The following ANKLE2 variants were observed in gnomAD, a reference collection of about 807,000 sequenced individuals.
ANKLE2 encodes the protein ankyrin repeat and LEM domain containing 2, also known as ankyrin repeat and LEM domain-containing protein 2.
ANKLE2 carries 55 observed loss-of-function variants against 84.2 expected under a neutral mutation model. That is an observed-to-expected ratio of 0.65 (90% CI 0.53 to 0.82). The LOEUF is 0.82. Among genes scored for constraint, ANKLE2 ranks in the 40% least tolerant of loss-of-function variants. The pLI, the probability that ANKLE2 is intolerant of heterozygous loss-of-function variation, is 0.00. For missense variants in ANKLE2, 1,238 were observed against 1,201.9 expected (o/e 1.03, Z -0.44); for synonymous variants, 551 against 486.1 (o/e 1.13, Z -1.76).
intron 2 of ANKLE2, chr12:132,751,061 ATATAT>A: frequency 1.8e-6 from 1 of 550,218 alleles, no homozygotes; most frequent in Non-Finnish European, 3.2e-6. Flanking sequence ...GTAACATGAT[ATATAT>A]TATGTTCATA....
In ANKLE2 at chr12:132,726,904, C is replaced by T. The variant is rs76901039; in HGVS notation, c.*338G>A. 353 of 268,858 alleles carry T rather than the reference C, an allele frequency of 1.3e-3. 2 individuals are homozygous for T. The highest frequency in any genetic ancestry group is 7.3e-3 in the African/African-American group (335 of 45,628). 16.7% of individuals were successfully genotyped at this position (268,858 alleles called of 1,614,324 possible). ...CAGCGTCTGTCGGATGAGGTGAGTA[C>T]AGGGTAAGTACAGGGCTGCCTGCCT... On this transcript the variant is annotated 3_prime_UTR_variant, in exon 13 of 13. Transcript: ENST00000357997.
At position 132,754,826 on chromosome 12, in the gene ANKLE2, C is replaced by T. The variant is rs779726519; in HGVS notation, c.489G>A (p.Leu163=). The T allele has an allele frequency of 1.2e-6, 2 of 1,614,162 alleles. No homozygotes were observed. ...EDRDFGYSVG[L]NPPEEEAVTS... The stretch of plus-strand genomic sequence containing the variant: ...TCACAGCTTCCTCCTCTGGAGGATT[C>T]AGGCCCACACTGTAACCAAAATCTC... The change falls in exon 2 of 13, where the codon CTG becomes CTA. Residue 163 remains leucine, a synonymous_variant. Transcript: ENST00000357997.
Position 132,734,498 on chromosome 12 carries a change from T to C in ANKLE2, c.1778A>G (p.Gln593Arg), listed in dbSNP as rs377362050. The C allele has an allele frequency of 6.2e-7, 1 of 1,614,112 alleles. No homozygotes were observed. Among genetic ancestry groups the C allele is most frequent in the South Asian group, 1.1e-5 (1 of 91,082 alleles). The change falls in exon 10 of 13, where the codon CAG becomes CGG. Residue 593 changes from glutamine to arginine, a missense_variant. By Grantham distance (43) the Gln-to-Arg change is conservative. Around this residue, in one of 3 missense-constraint regions of ANKLE2, gnomAD observed 802 missense variants for 774.5 expected, o/e 1.04. Transcript: ENST00000357997. Reference protein sequence around the residue: ...FLGCFVDLSSQEGLQRLEEYL... With the variant: ...FLGCFVDLSSREGLQRLEEYL... ...TTCTTCTAGTCTTTGCAGGCCTTCC[T>C]GGGAAGACAGATCAACAAAACAGCC...
In ANKLE2 at chr12:132,728,018, C is replaced by T. The variant is rs11147024; in HGVS notation, c.2615+14G>A. 244,215 of 1,584,150 alleles carry T rather than the reference C, an allele frequency of 0.15. 27,265 individuals carry two copies. Among genetic ancestry groups the T allele is most frequent in the East Asian group, 0.53 (23,600 of 44,406 alleles). The stretch of plus-strand genomic sequence containing the variant: ...GCTGCCCTGCGGGTGACAGGCTGTC[C>T]GGGCCCCACATACCTCTGTCTGTCC... On this transcript the variant is annotated intron_variant, in intron 12 of 12. Transcript: ENST00000357997.
At chr12:132,738,345 G>T (rs1277933440) in intron 7 of ANKLE2, 1 of 152,226 alleles carries the variant, frequency 6.6e-6, no homozygotes, top group Non-Finnish European at 1.5e-5. Context: ...GGACAGCGCA[G>T]TCAAGCCATA....
chr12:132,735,481 G>A lies in ANKLE2; in HGVS notation c.1625C>T (p.Pro542Leu), dbSNP rs140128383. The A allele has an allele frequency of 2.1e-5, 34 of 1,613,654 alleles. No individual in the cohort carries two copies. In the Admixed American group the frequency reaches 5.7e-4, roughly 27 times the overall value. The change falls in exon 9 of 13, where the codon CCA becomes CTA. Residue 542 changes from proline (P) to leucine (L), a missense_variant. Physicochemically the swap from Pro to Leu is moderately conservative, Grantham distance 98. Transcript: ENST00000357997. The part of the protein sequence containing the change: ...AEDFRKLWKT[P>L]PREKAGFLHH... ...AAGGAAGCCTGCTTTCTCTCGAGGT[G>A]GAGTTTTCCAGAGCTTGCGAAAATC...
chr12:132,730,222 CTCATG>C lies in ANKLE2; in HGVS notation c.1935_1939del (p.Asp645GlufsTer15). The C allele has an allele frequency of 6.3e-7, 1 of 1,586,180 alleles. No individual in the cohort carries two copies. Among genetic ancestry groups the C allele is most frequent in the Non-Finnish European group, 8.6e-7 (1 of 1,164,700 alleles). On this transcript the variant is annotated frameshift_variant, in exon 11 of 13. Coordinates refer to ENST00000357997, the MANE Select transcript of ANKLE2 (RefSeq NM_015114.3). LOFTEE classifies it high-confidence loss of function. ...TTGCCGATTTTTTATTTCTTCCAAG[CTCATG>C]TCATCTTCATCTAGAAACGCCCTCA... is the stretch of plus-strand genomic sequence containing the variant.
Position 132,729,822 on chromosome 12 carries a change from T to C in ANKLE2, c.2340A>G (p.Ala780=). 6.2e-7 allele frequency: 1 copy of C among 1,613,456 alleles called. No individual in the cohort carries two copies. Among genetic ancestry groups the C allele is most frequent in the African/African-American group, 1.3e-5 (1 of 74,884 alleles). Residue 780 remains alanine (A), a synonymous_variant, in exon 11 of 13, where the codon GCA becomes GCG. Transcript: ENST00000357997. The part of the protein sequence containing the change: ...VERDLLEPSP[A]DQLGNGHRRT... ...TCCTGTGGCCATTCCCGAGTTGGTC[T>C]GCGGGAGAAGGCTCTAACAAGTCTC...
intron 2 of ANKLE2, chr12:132,751,094 CAA>C (rs2044345871): frequency 2.9e-6 from 1 of 350,772 alleles, no homozygotes; most frequent in African/African-American, 2.1e-5. Context: ...TTCTATATGC[CAA>C]GATTCTATCC....
At position 132,735,455 on chromosome 12, in the gene ANKLE2, G is replaced by A. The variant is rs748425916; in HGVS notation, c.1651C>T (p.His551Tyr). Reference sequence around the variant, plus strand: ...TCCGGGTCCGACTTCTTGACGTGGTGAAGGAAGCCTGCTTTCTCTCGAGGT... The same window carrying A: ...TCCGGGTCCGACTTCTTGACGTGGTAAAGGAAGCCTGCTTTCTCTCGAGGT... ...TPPREKAGFL[H>Y]HVKKSDPERG... Residue 551 changes from histidine (H) to tyrosine (Y), a missense_variant, in exon 9 of 13, where the codon CAC becomes TAC. Around this residue, in one of 3 missense-constraint regions of ANKLE2, gnomAD observed 802 missense variants for 774.5 expected, o/e 1.04. Transcript: ENST00000357997. 2.7e-5 allele frequency: 44 copies of A among 1,613,926 alleles called. 1 individual carries two copies. The South Asian group carries it at 3.1e-4, about 11-fold the overall frequency.
intron 3 of ANKLE2, 76 bp from the exon 4 acceptor site, chr12:132,748,407 G>C (rs1343877335): frequency 3.3e-6 from 5 of 1,536,202 alleles, no homozygotes; most frequent in South Asian, 1.2e-5. Context: ...CCTCTGATGA[G>C]GGATAAGCAG....
intron 10 of ANKLE2, chr12:132,731,948 G>T (rs77372128): frequency 6.9e-6 from 1 of 145,094 alleles, no homozygotes; most frequent in East Asian, 2.1e-4. Flanking sequence ...GATATACACC[G>T]TGTGAAGCGC....
chr12:132,736,911 C>A lies in ANKLE2; in HGVS notation c.1575G>T (p.Gly525=), dbSNP rs754337295. 6.2e-6 allele frequency: 10 copies of A among 1,608,868 alleles called. No individual in the cohort carries two copies. The highest frequency in any genetic ancestry group is 8.5e-6 in the Non-Finnish European group (10 of 1,176,490). The change falls in exon 8 of 13, where the codon GGG becomes GGT. Residue 525 remains glycine, a synonymous_variant. Coordinates refer to ENST00000357997, the MANE Select transcript of ANKLE2 (RefSeq NM_015114.3). Reference sequence around the variant, plus strand: ...AGCTCACCTTGGCTGGACTCAGGGGCCCTGCGAAGGCTCTCAGGGTCAGTA... The same window carrying A: ...AGCTCACCTTGGCTGGACTCAGGGGACCTGCGAAGGCTCTCAGGGTCAGTA... The part of the protein sequence containing the change: ...DPVLTLRAFA[G]PLSPAKAEDF...
At chr12:132,755,237 T>G (rs1197949761) in intron 1 of ANKLE2, 104 bp from the exon 2 acceptor site, 2 of 1,178,780 alleles carry the variant, frequency 1.7e-6, no homozygotes, top group South Asian at 1.5e-5. Flanking sequence ...AGTTTCTGTT[T>G]CTTTCATTAA....
chr12:132,737,115 T>C (rs968714076), intron 7 of ANKLE2, 50 bp from the exon 8 acceptor site: 2 of 1,537,948 alleles, frequency 1.3e-6, no homozygotes, highest in African/African-American at 2.7e-5. Flanking sequence ...CCTCCGCAGG[T>C]CAGGCCTGGG....
In ANKLE2 at chr12:132,730,285, A is replaced by C; in HGVS notation, c.1892-15T>G. ...GGAATTGCTGCCTGTGAGGACAACAAGGAGCACTTCAGTGATGGGAACGAC... is the reference window on the plus strand; with the variant it reads ...GGAATTGCTGCCTGTGAGGACAACACGGAGCACTTCAGTGATGGGAACGAC... On this transcript the variant is annotated splice_polypyrimidine_tract_variant and intron_variant, in intron 10 of 12. Coordinates refer to ENST00000357997, the MANE Select transcript of ANKLE2 (RefSeq NM_015114.3). The C allele has an allele frequency of 6.5e-7, 1 of 1,543,774 alleles. No homozygotes were observed. The highest frequency in any genetic ancestry group is 1.2e-5 in the South Asian group (1 of 81,344).
intron 5 of ANKLE2, among the ~76,000 whole-genome samples, chr12:132,746,574 ATTG>A (rs1001977059): frequency 2.6e-5 from 4 of 152,080 alleles, no homozygotes; most frequent in African/African-American, 4.8e-5. Flanking sequence ...CAACTGCCCA[ATTG>A]TTGTACTAAT....
At chr12:132,735,554 C>T (rs745677692) in intron 8 of ANKLE2, 42 bp from the exon 9 acceptor site, 11 of 1,529,666 alleles carry the variant, frequency 7.2e-6, no homozygotes, top group South Asian at 2.3e-5. Flanking sequence ...TCAGGCACTG[C>T]GCCCCTCAGC....
intron 6 of ANKLE2, chr12:132,742,452 A>T (rs1247616818): frequency 6.5e-6 from 1 of 152,716 alleles, no homozygotes; most frequent in African/African-American, 2.4e-5. Flanking sequence ...TCACAGCTGT[A>T]ATACACAGAA....
Sources: gnomAD v4.1 joint callset for allele counts (sites outside exome capture counted in the v4.1 genomes callset) on GRCh38, gnomAD v4.1.1 for gene constraint, gnomAD v4.1.1 regional missense constraint, MANE v1.5 for transcripts, NCBI Gene and HGNC (gene_info 2026-07-23, HGNC 2026-07-21) for gene names.